Variants in MTMR10 observed in about 807,000 individuals in gnomAD.
MTMR10 encodes the protein myotubularin related protein 10.
A neutral mutation model predicts 88.1 loss-of-function variants in MTMR10; 56 were observed. The observed-to-expected ratio is 0.64, with a 90% CI of 0.51 to 0.79. MTMR10 has a LOEUF of 0.79. MTMR10 is among the 30% of genes least tolerant of loss of function. MTMR10 has a pLI of 0.00. For synonymous variants in MTMR10, 380 were observed against 340.9 expected (o/e 1.11, Z -1.26); for missense variants, 883 against 924.7 (o/e 0.95, Z 0.58).
At chr15:30,929,402 T>C in the MTMR10 span, 3 of 1,588,740 alleles carry the variant, frequency 1.9e-6, no homozygotes, top group East Asian at 2.3e-5. Context: ...GCTCAGGTAA[T>C]GGTTCACCTG....
At chr15:30,979,329 G>C (rs542072073) in intron 2 of MTMR10, among the ~76,000 whole-genome samples, 1 of 152,044 alleles carries the variant, frequency 6.6e-6, no homozygotes, top group Non-Finnish European at 1.5e-5. Flanking sequence ...CACTTTGGCT[G>C]AGGCGGGTGG....
At chr15:30,952,095 A>G (rs2141007173) in intron 11 of MTMR10, 57 bp from the exon 12 acceptor site, 2 of 1,375,242 alleles carry the variant, frequency 1.5e-6, no homozygotes, top group South Asian at 1.2e-5. Context: ...ACAAATACAT[A>G]AAGTACTTGA....
At position 30,958,905 on chromosome 15, in the gene MTMR10, G is replaced by A. The variant is rs1435144142; in HGVS notation, c.893C>T (p.Ala298Val). 2.5e-6 allele frequency: 4 copies of A among 1,613,906 alleles called. No homozygotes were observed. Among genetic ancestry groups the A allele is most frequent in the Non-Finnish European group, 3.4e-6 (4 of 1,179,834 alleles). The part of the protein sequence containing the change: ...HSNGSALVRM[A>V]LIKDVLQQRK... ...CTGCTGCAGCACGTCTTTGATGAGG[G>A]CCATTCGCACAAGAGCACTGCCGTT... Residue 298 changes from alanine (A) to valine (V), a missense_variant, in exon 9 of 16, where the codon GCC becomes GTC. Ala to Val is a moderately conservative substitution (Grantham distance 64, BLOSUM62 0). Transcript: ENST00000435680.
In MTMR10 at chr15:30,959,102, C is replaced by A; in HGVS notation, c.778G>T (p.Val260Leu). ...TCTTGGTCTGCTAAAGAACTTGGCA[C>A]TACAATGTATTCTGGAAGGCTGGAG... is the stretch of plus-strand genomic sequence containing the variant. The part of the protein sequence containing the change: ...ISTCLPEYIV[V>L]PSSLADQDLK... Residue 260 changes from valine (V) to leucine (L), a missense_variant, in exon 8 of 16, where the codon GTG (valine) becomes TTG (leucine). Physicochemically the swap from Val to Leu is conservative, Grantham distance 32. This residue lies in a region of MTMR10 where 414 missense variants were observed against 423.2 expected (regional missense o/e 0.98). Coordinates refer to ENST00000435680, the MANE Select transcript of MTMR10 (RefSeq NM_017762.3). The A allele has an allele frequency of 6.2e-7, 1 of 1,603,218 alleles. No homozygotes were observed. Among genetic ancestry groups the A allele is most frequent in the Non-Finnish European group, 8.5e-7 (1 of 1,174,638 alleles).
chr15:30,991,202 C>T (rs1161045632), intron 1 of MTMR10: 1 of 482,458 alleles, frequency 2.1e-6, no homozygotes, highest in Non-Finnish European at 3.6e-6. Context: ...CTCAACACTC[C>T]GCAAAACTAC....
intron 7 of MTMR10, among the ~76,000 whole-genome samples, chr15:30,960,667 T>G (rs1348348144): frequency 6.6e-6 from 1 of 152,232 alleles, no homozygotes. Flanking sequence ...TGACTACTGA[T>G]GACAGTAAGG....
At chr15:30,957,891 T>A (rs1403518905) in intron 9 of MTMR10, among the ~76,000 whole-genome samples, 1 of 152,170 alleles carries the variant, frequency 6.6e-6, no homozygotes, top group Non-Finnish European at 1.5e-5. Context: ...ATAGCACTTA[T>A]AACACACAGG....
At chr15:30,937,530 C>T (rs1296007413), downstream of MTMR10, among the ~76,000 whole-genome samples, 1 of 146,844 alleles carries the variant, frequency 6.8e-6, no homozygotes, top group Admixed American at 6.9e-5. Context: ...CGGCTCACTG[C>T]AACCTCCGCC....
At chr15:30,937,214 C>T (rs754461024), downstream of MTMR10, 1 of 1,614,032 alleles carries the variant, frequency 6.2e-7, no homozygotes, top group South Asian at 1.1e-5. Flanking sequence ...TAGAAGTCTG[C>T]CATGTGGTTG....
the MTMR10 span, chr15:30,925,095 G>A: frequency 1.9e-6 from 3 of 1,562,322 alleles, no homozygotes; most frequent in Non-Finnish European, 2.6e-6. Context: ...GGTTTTTTTA[G>A]GAGCCTGATG....
intron 7 of MTMR10, 134 bp from the exon 8 acceptor site, chr15:30,959,255 C>A: frequency 6.7e-6 from 5 of 743,764 alleles, no homozygotes; most frequent in Middle Eastern, 3.7e-4. Context: ...ATGGTGGGCA[C>A]CATGGGGGGG....
intron 13 of MTMR10, 38 bp from the exon 14 acceptor site, chr15:30,947,338 T>C (rs895747652): frequency 2.5e-6 from 4 of 1,592,448 alleles, no homozygotes; most frequent in Non-Finnish European, 3.4e-6. Flanking sequence ...CATTTAATGT[T>C]ATCCTTCAGC....
At chr15:30,954,015 C>T (rs1477544519) in intron 10 of MTMR10, among the ~76,000 whole-genome samples, 5 of 152,250 alleles carry the variant, frequency 3.3e-5, no homozygotes, top group Non-Finnish European at 7.3e-5. Flanking sequence ...TGCCCTCCTG[C>T]TTCCCTGCCC....
chr15:30,926,050 T>C, the MTMR10 span: 1 of 1,080,542 alleles, frequency 9.3e-7, no homozygotes, highest in Non-Finnish European at 1.4e-6. Flanking sequence ...CTGCTCACAG[T>C]GGAAGATGCT....
chr15:30,925,618 C>G, the MTMR10 span, among the ~76,000 whole-genome samples: 1 of 152,256 alleles, frequency 6.6e-6, no homozygotes, highest in South Asian at 2.1e-4. Context: ...CAGGGCCGGA[C>G]CAGCGAACTG....
intron 2 of MTMR10, among the ~76,000 whole-genome samples, chr15:30,978,243 T>C (rs917830775): frequency 6.6e-6 from 1 of 152,222 alleles, no homozygotes; most frequent in Non-Finnish European, 1.5e-5. Flanking sequence ...ATTATATTTA[T>C]ATATTTTTAA....
At chr15:30,923,826 T>C in the MTMR10 span, among the ~76,000 whole-genome samples, 4 of 152,246 alleles carry the variant, frequency 2.6e-5, no homozygotes, top group Non-Finnish European at 4.4e-5. Flanking sequence ...TTTCACTTTT[T>C]ATGTTTCTAT....
At chr15:30,954,546 A>G (rs1396187039) in intron 10 of MTMR10, among the ~76,000 whole-genome samples, 1 of 152,030 alleles carries the variant, frequency 6.6e-6, no homozygotes, top group Non-Finnish European at 1.5e-5. Flanking sequence ...GAAATTTAAT[A>G]CACTCATTTT....
the MTMR10 span, chr15:30,927,675 G>A: frequency 1.0e-6 from 1 of 985,634 alleles, no homozygotes; most frequent in Non-Finnish European, 1.2e-6. Flanking sequence ...ATGGGGGTCT[G>A]GTGGTCAGCA....
Sources: gnomAD v4.1 joint callset for allele counts (sites outside exome capture counted in the v4.1 genomes callset) on GRCh38, gnomAD v4.1.1 for gene constraint, gnomAD v4.1.1 regional missense constraint, MANE v1.5 for transcripts, NCBI Gene and HGNC (gene_info 2026-07-23, HGNC 2026-07-21) for gene names.